LTBP1: variants seen among roughly 807,000 people sequenced by gnomAD.
LTBP1 encodes latent-transforming growth factor beta-binding protein 1.
A neutral mutation model predicts 207.6 loss-of-function variants in LTBP1; 129 were observed. The observed-to-expected ratio is 0.62, with a 90% confidence interval of 0.54 to 0.72. The LOEUF (loss-of-function observed/expected upper bound fraction) is 0.72, where lower values mean the gene tolerates loss of function less well. Among genes scored for constraint, LTBP1 ranks in the 30% least tolerant of loss-of-function variants. The probability of loss-of-function intolerance (pLI) is 0.00; values close to 1 mark genes in which losing one functional copy is unlikely to be tolerated. For missense variants in LTBP1, 2,281 were observed against 2,217.2 expected (o/e 1.03, Z -0.58); for synonymous variants, 963 against 833.7 (o/e 1.16, Z -2.67).
At chr2:33,005,951 A>G (rs1197653863) in intron 2 of LTBP1, among the ~76,000 whole-genome samples, 1 of 151,966 alleles carries the variant, frequency 6.6e-6, no homozygotes, top group African/African-American at 2.4e-5. Flanking sequence ...ATTTGAGGTC[A>G]TCTTTAGAGA....
intron 5 of LTBP1, among the ~76,000 whole-genome samples, chr2:33,137,510 A>G (rs1305457207): frequency 6.6e-6 from 1 of 152,242 alleles, no homozygotes; most frequent in Admixed American, 6.5e-5. Flanking sequence ...GAAAGCAGCC[A>G]GAGACAATAT....
chr2:33,260,402 A>G (rs755829535), intron 13 of LTBP1, among the ~76,000 whole-genome samples: 4 of 152,210 alleles, frequency 2.6e-5, no homozygotes, highest in Admixed American at 6.5e-5. Flanking sequence ...CTCCTTCTGC[A>G]TAATAATTAC....
At chr2:33,191,122 G>A (rs1181426337) in intron 7 of LTBP1, among the ~76,000 whole-genome samples, 2 of 152,148 alleles carry the variant, frequency 1.3e-5, no homozygotes, top group Non-Finnish European at 2.9e-5. Flanking sequence ...TTAAAATTGT[G>A]TGCCCAGTAC....
At chr2:33,244,538 A>C (rs1036319724) in intron 10 of LTBP1, among the ~76,000 whole-genome samples, 3 of 152,206 alleles carry the variant, frequency 2.0e-5, no homozygotes, top group African/African-American at 4.8e-5. Context: ...ATGCCATTAG[A>C]GAGGAATGCA....
intron 7 of LTBP1, among the ~76,000 whole-genome samples, chr2:33,191,941 T>C (rs548105122): frequency 6.6e-6 from 1 of 152,360 alleles, no homozygotes; most frequent in Admixed American, 6.5e-5. Context: ...AACTTGGGAT[T>C]GAACACCAAG....
intron 19 of LTBP1, among the ~76,000 whole-genome samples, chr2:33,283,330 C>T (rs902257808): frequency 2.6e-5 from 4 of 151,034 alleles, no homozygotes; most frequent in South Asian, 4.2e-4. Flanking sequence ...CTAACTGTTA[C>T]CTGTGATTAT....
intron 9 of LTBP1, among the ~76,000 whole-genome samples, chr2:33,222,905 C>A (rs989822995): frequency 2.0e-5 from 3 of 152,068 alleles, no homozygotes; most frequent in African/African-American, 4.8e-5. Flanking sequence ...TTCTAATTTC[C>A]CTTTACATGT....
intron 2 of LTBP1, among the ~76,000 whole-genome samples, chr2:32,982,452 G>GT (rs1412515734): frequency 6.6e-6 from 1 of 152,206 alleles, no homozygotes; most frequent in Admixed American, 6.5e-5. Context: ...AGAAATTTGT[G>GT]TAAGTAACAA....
intron 11 of LTBP1, 27 bp downstream of exon 11, chr2:33,252,871 C>A: frequency 1.3e-6 from 2 of 1,555,000 alleles, no homozygotes; most frequent in Non-Finnish European, 1.7e-6. Flanking sequence ...TGTATGCGCA[C>A]ATAGATTCCC....
chr2:33,065,757 A>T (rs984022006), intron 3 of LTBP1, among the ~76,000 whole-genome samples: 3 of 152,204 alleles, frequency 2.0e-5, no homozygotes, highest in Admixed American at 6.5e-5. Context: ...TATACTTTGA[A>T]GAGTTTTTAT....
rs1372302042 is a variant in LTBP1 at position 33,022,583 on chromosome 2, TTAAA to T, written c.863+1380_863+1383del. On this transcript the variant is annotated intron_variant, in intron 3 of 33. Transcript: ENST00000404816. ...ATGAGAAGACTGAGGTACAGAGTGG[TTAAA>T]TAGTTTGTTCAAGGTCCCACAGTTA... 2.0e-5 allele frequency among the ~76,000 whole-genome samples: 3 copies of T among 152,268 alleles called. No homozygotes were observed. In the East Asian group the frequency reaches 5.8e-4, roughly 29 times the overall value.
intron 7 of LTBP1, among the ~76,000 whole-genome samples, chr2:33,191,210 A>G (rs2087835108): frequency 2.0e-5 from 3 of 152,208 alleles, no homozygotes; most frequent in South Asian, 2.1e-4. Context: ...TTATTCTTGT[A>G]TAATATTAGG....
intron 4 of LTBP1, among the ~76,000 whole-genome samples, chr2:33,126,760 T>C (rs1254445576): frequency 6.6e-6 from 1 of 152,106 alleles, no homozygotes; most frequent in African/African-American, 2.4e-5. Flanking sequence ...CGTAGTCCCA[T>C]AGGGGGAGTA....
chr2:33,096,643 A>G (rs1407048945), intron 3 of LTBP1, among the ~76,000 whole-genome samples: 1 of 152,162 alleles, frequency 6.6e-6, no homozygotes, highest in Non-Finnish European at 1.5e-5. Flanking sequence ...AGTCATTCTC[A>G]CAGGATTATT....
Position 33,280,099 on chromosome 2 carries a change from G to T in LTBP1, c.3053G>T (p.Gly1018Val), listed in dbSNP as rs770902522. The T allele has an allele frequency of 6.2e-7, 1 of 1,614,092 alleles. No individual in the cohort carries two copies. The highest frequency in any genetic ancestry group is 8.5e-7 in the Non-Finnish European group (1 of 1,179,966). ...CPDEQCVNSP[G>V]SYQCVPCTEG... ...GATGAGCAGTGTGTGAATTCTCCTG[G>T]ATCTTACCAGTGCGTTCCCTGCACA... is the stretch of plus-strand genomic sequence containing the variant. Residue 1018 changes from glycine (G) to valine (V), a missense_variant, in exon 19 of 34, where the codon GGA becomes GTA. Physicochemically the swap from Gly to Val is moderately radical, Grantham distance 109 (BLOSUM62 -3). Transcript: ENST00000404816.
intron 2 of LTBP1, among the ~76,000 whole-genome samples, chr2:33,012,308 C>A (rs577702829): frequency 6.6e-6 from 1 of 152,302 alleles, no homozygotes; most frequent in African/African-American, 2.4e-5. Flanking sequence ...ATCTCTGTGA[C>A]CCCAGAGCAT....
rs748486296 is a variant in LTBP1 at position 33,187,018 on chromosome 2, C to T, written c.1364C>T (p.Thr455Met). ...CAGCAGCCAGGCAAGGCGTTGGGGACGCATGTCATCCATTCAACACATACC... is the reference window on the plus strand; with the variant it reads ...CAGCAGCCAGGCAAGGCGTTGGGGATGCATGTCATCCATTCAACACATACC... Reference protein sequence around the residue: ...HSQQPGKALGTHVIHSTHTLP... With the variant: ...HSQQPGKALGMHVIHSTHTLP... Residue 455 changes from threonine (T) to methionine (M), a missense_variant, in exon 6 of 34, where the codon ACG becomes ATG. Physicochemically the swap from Thr to Met is moderately conservative, Grantham distance 81. This residue lies in a region of LTBP1 where 1,671 missense variants were observed against 1,634.8 expected (regional missense o/e 1.02). Transcript: ENST00000404816. 1.4e-5 allele frequency: 23 copies of T among 1,614,024 alleles called. No individual in the cohort carries two copies. Among genetic ancestry groups the T allele is most frequent in the African/African-American group, 5.3e-5 (4 of 74,900 alleles).
intron 3 of LTBP1, among the ~76,000 whole-genome samples, chr2:33,035,611 A>C (rs896101841): frequency 3.9e-5 from 6 of 152,260 alleles, no homozygotes; most frequent in African/African-American, 1.4e-4. Context: ...AATGGAGAAG[A>C]ATGCAAAAGC....
chr2:33,307,835 A>G (rs2094123164), intron 22 of LTBP1, among the ~76,000 whole-genome samples: 1 of 152,226 alleles, frequency 6.6e-6, no homozygotes, highest in Non-Finnish European at 1.5e-5. Context: ...TTTATTTGAT[A>G]GAAAGAAGTG....
Sources: allele counts gnomAD v4.1 joint callset (sites outside exome capture counted in the v4.1 genomes callset), GRCh38; gene constraint gnomAD v4.1.1; regional missense constraint gnomAD v4.1.1; transcripts MANE v1.5; gene names NCBI Gene and HGNC (gene_info 2026-07-23, HGNC 2026-07-21).